Variants in MYPOP observed in about 807,000 individuals in gnomAD.
MYPOP encodes the protein myb-related transcription factor, partner of profilin.
A neutral mutation model predicts 25.7 loss-of-function variants in MYPOP; 21 were observed. That is an observed-to-expected ratio of 0.82 (90% confidence interval 0.58 to 1.18). The LOEUF (loss-of-function observed/expected upper bound fraction) is 1.18. Among genes scored for constraint, MYPOP ranks in the 50% most tolerant of loss-of-function variants. The pLI is 0.00. For missense variants in MYPOP, 566 were observed against 588.3 expected (o/e 0.96, Z 0.39); for synonymous variants, 280 against 247.9 (o/e 1.13, Z -1.22).
intron 2 of MYPOP, among the ~76,000 whole-genome samples, chr19:45,898,097 T>C (rs142883536): frequency 1.3e-5 from 2 of 151,820 alleles, no homozygotes; most frequent in Non-Finnish European, 2.9e-5. Context: ...CTAATTTTTG[T>C]ATTTTTTAGT....
intron 2 of MYPOP, among the ~76,000 whole-genome samples, chr19:45,896,618 CTTTTTTTT>C (rs760658668): frequency 7.4e-6 from 1 of 134,792 alleles, no homozygotes; most frequent in Non-Finnish European, 1.6e-5. Flanking sequence ...AGAGTCCATT[CTTTTTTTT>C]TTTTTTTTTT....
chr19:45,891,140 G>A lies in MYPOP; in HGVS notation c.683C>T (p.Pro228Leu). The change falls in exon 3 of 3, where the codon CCA (proline) becomes CTA (leucine). Residue 228 changes from proline (P) to leucine (L), a missense_variant. Pro to Leu is a moderately conservative substitution (Grantham distance 98). Coordinates refer to ENST00000322217, the MANE Select transcript of MYPOP (RefSeq NM_001012643.4). ...CACTTGGGCCAGTGGCGGTGGGGGT[G>A]GCAGTGGAGGGGCTGGGGGTGGTGG... is the stretch of plus-strand genomic sequence containing the variant. ...LSPPPPAPPLPPPPPLAQVAP... is the reference protein window; with the variant it reads ...LSPPPPAPPLLPPPPLAQVAP... The A allele has an allele frequency of 2.0e-6, 3 of 1,491,024 alleles. No homozygotes were observed. Among genetic ancestry groups the A allele is most frequent in the South Asian group, 2.6e-5 (2 of 78,232 alleles). The allele number at this position is 1,491,024 out of a possible 1,614,324, so 92.4% of individuals were successfully genotyped here.
chr19:45,892,269 A>G (rs1431543321), intron 2 of MYPOP, among the ~76,000 whole-genome samples: 1 of 152,076 alleles, frequency 6.6e-6, no homozygotes, highest in African/African-American at 2.4e-5. Context: ...ACTGCACCAC[A>G]CTGCTGGATC....
chr19:45,901,562 C>G lies in MYPOP; in HGVS notation c.212G>C (p.Arg71Pro). Residue 71 changes from arginine (R) to proline (P), a missense_variant, in exon 2 of 3, where the codon CGC (arginine) becomes CCC (proline). Transcript: ENST00000322217. This position sits in a 1 kb window ranked among gnomAD's most constrained non-coding sequence, Gnocchi z 5.7. ...AKINGITSWKRTGQEVQKRWN... is the reference protein window; with the variant it reads ...AKINGITSWKPTGQEVQKRWN... ...GCGCTTCTGCACCTCCTGGCCCGTG[C>G]GCTTCCAGCTGGTGATACCGTTGAT... 1 of 1,612,102 alleles carries G rather than the reference C, an allele frequency of 6.2e-7. No individual in the cohort carries two copies. Among genetic ancestry groups the G allele is most frequent in the Non-Finnish European group, 8.5e-7 (1 of 1,179,618 alleles).
At position 45,894,693 on chromosome 19, in the gene MYPOP, C is replaced by T. The variant is rs151247375; in HGVS notation, c.500-3370G>A. On this transcript the variant is annotated intron_variant, in intron 2 of 2. Transcript: ENST00000322217. ...TGATTGTATAGTGTGGAAATTATAT[C>T]GCCATATATATATACATTTTTTTCT... Among the ~76,000 whole-genome samples, 72 of 151,568 alleles carry T rather than the reference C, an allele frequency of 4.8e-4. No individual in the cohort carries two copies. The East Asian group carries it at 0.013, about 27-fold the overall frequency.
rs952465542 is a variant in MYPOP, at chr19:45,890,875, T to C, written c.948A>G (p.Pro316=). ...GCAGGACAGGCCTGGGAGGTGGCGG[T>C]GGGGGTGGGGGTGGGGGCAGAGGTG... ...LPPPLPPPPP[P]PPPPRPVLPP... Residue 316 remains proline (P), a synonymous_variant, in exon 3 of 3, where the codon CCA becomes CCG. Coordinates refer to ENST00000322217, the MANE Select transcript of MYPOP (RefSeq NM_001012643.4). The C allele has an allele frequency of 7.9e-6, 2 of 252,692 alleles. No individual in the cohort carries two copies. The highest frequency in any genetic ancestry group is 1.4e-4 in the South Asian group (1 of 7,380). 15.7% of individuals were successfully genotyped at this position (252,692 alleles called of 1,614,324 possible).
At chr19:45,899,299 C>G (rs190194271) in intron 2 of MYPOP, among the ~76,000 whole-genome samples, 1 of 152,186 alleles carries the variant, frequency 6.6e-6, no homozygotes, top group African/African-American at 2.4e-5. Flanking sequence ...GTCTTTTTCT[C>G]TACATTATTC....
intron 2 of MYPOP, among the ~76,000 whole-genome samples, chr19:45,893,647 G>T (rs1367697889): frequency 6.6e-6 from 1 of 151,864 alleles, no homozygotes; most frequent in African/African-American, 2.4e-5. Context: ...GGGAAGACAG[G>T]GAAGATGGGA....
chr19:45,890,561 GC>G lies in MYPOP; in HGVS notation c.*61del, dbSNP rs1405760998. ...GCAGCTGGGATGGGCAGAGAGCATCGCCCCCCTCGACTGCGCCAAGCTGGGG... is the reference window on the plus strand; with the variant it reads ...GCAGCTGGGATGGGCAGAGAGCATCGCCCCCTCGACTGCGCCAAGCTGGGG... On this transcript the variant is annotated 3_prime_UTR_variant, in exon 3 of 3. Coordinates refer to ENST00000322217, the MANE Select transcript of MYPOP (RefSeq NM_001012643.4). 2.5e-6 allele frequency: 4 copies of G among 1,583,260 alleles called. No homozygotes were observed. The highest frequency in any genetic ancestry group is 2.7e-5 in the African/African-American group (2 of 74,266).
rs1258658141 is a variant in MYPOP, at chr19:45,891,261, T to A, written c.562A>T (p.Thr188Ser). 6.4e-7 allele frequency: 1 copy of A among 1,551,276 alleles called. No homozygotes were observed. The highest frequency in any genetic ancestry group is 1.2e-5 in the South Asian group (1 of 84,178). The change falls in exon 3 of 3, where the codon ACT (threonine) becomes TCT (serine). Residue 188 changes from threonine (T) to serine (S), a missense_variant. Thr to Ser is a moderately conservative substitution (Grantham distance 58). Transcript: ENST00000322217. ...CGTGGGCAGCCCCCTTCCTGGGGAG[T>A]GCAGGAGGGCCGGGCCCATGGCTCC... is the stretch of plus-strand genomic sequence containing the variant. ...SPEPWARPSC[T>S]PQEGGCPRPK... is the part of the protein sequence containing the mutation.
At chr19:45,896,786 C>T (rs918327988) in intron 2 of MYPOP, among the ~76,000 whole-genome samples, 4 of 151,714 alleles carry the variant, frequency 2.6e-5, no homozygotes, top group Non-Finnish European at 2.9e-5. Context: ...CCACTGCGCC[C>T]GGCTAATTTT....
Position 45,890,947 on chromosome 19 carries a change from G to T in MYPOP, c.876C>A (p.Ser292Arg). 6.8e-7 allele frequency: 1 copy of T among 1,469,542 alleles called. No homozygotes were observed. The highest frequency in any genetic ancestry group is 2.4e-5 in the Admixed American group (1 of 41,296). 91.0% of individuals were successfully genotyped at this position (1,469,542 alleles called of 1,614,324 possible). A position where few individuals can be genotyped will look rare whatever the true frequency, so the allele number is the denominator to read the frequency against. The change falls in exon 3 of 3, where the codon AGC (serine) becomes AGA (arginine). Residue 292 changes from serine to arginine, a missense_variant. Ser to Arg is a moderately radical substitution (Grantham distance 110). Transcript: ENST00000322217. The part of the protein sequence containing the change: ...QGLAKLSEAL[S>R]ALLPLLPGTP... ...TTCCTGGCAGAAGGGGCAGCAGAGC[G>T]CTGAGGGCCTCGCTCAGTTTGGCCA...
At chr19:45,894,851 T>TG (rs1466962337) in intron 2 of MYPOP, among the ~76,000 whole-genome samples, 1 of 151,512 alleles carries the variant, frequency 6.6e-6, no homozygotes, top group Non-Finnish European at 1.5e-5. Flanking sequence ...CCTGAGTAGC[T>TG]GGGACTATAG....
chr19:45,898,763 G>C (rs1202427079), intron 2 of MYPOP, among the ~76,000 whole-genome samples: 2 of 152,044 alleles, frequency 1.3e-5, no homozygotes, highest in Non-Finnish European at 2.9e-5. Flanking sequence ...ATCTCTACTT[G>C]AATTTCACCT....
chr19:45,897,203 T>C (rs952332761), intron 2 of MYPOP, among the ~76,000 whole-genome samples: 13 of 151,714 alleles, frequency 8.6e-5, no homozygotes, highest in African/African-American at 3.2e-4. Flanking sequence ...GCTGGAATTA[T>C]AGGCATATGC....
chr19:45,898,146 A>G (rs1967233772), intron 2 of MYPOP, among the ~76,000 whole-genome samples: 1 of 149,990 alleles, frequency 6.7e-6, no homozygotes, highest in Non-Finnish European at 1.5e-5. Flanking sequence ...ACTGGTCTTG[A>G]ACTCCTAACC....
chr19:45,901,139 T>C lies in MYPOP; in HGVS notation c.499+136A>G, dbSNP rs1163998887. On this transcript the variant is annotated intron_variant, in intron 2 of 2. Coordinates refer to ENST00000322217, the MANE Select transcript of MYPOP (RefSeq NM_001012643.4). The surrounding 1 kb of genome is among the most constrained non-coding windows in gnomAD (Gnocchi z 5.7). ...GAACTGAGGCAAGTCATTTCATTTT[T>C]CTGAGCTTCAGTTTCCCTAGCTATA... 7.0e-6 allele frequency: 6 copies of C among 861,098 alleles called. No individual in the cohort carries two copies. Among genetic ancestry groups the C allele is most frequent in the Non-Finnish European group, 8.0e-6 (5 of 622,492 alleles). The allele number at this position is 861,098 out of a possible 1,614,324, so 53.3% of individuals were successfully genotyped here.
chr19:45,891,039 A>G lies in MYPOP; in HGVS notation c.784T>C (p.Phe262Leu). 6.9e-7 allele frequency: 1 copy of G among 1,458,938 alleles called. No individual in the cohort carries two copies. The highest frequency in any genetic ancestry group is 9.1e-7 in the Non-Finnish European group (1 of 1,094,666). The allele number at this position is 1,458,938 out of a possible 1,614,324, so 90.4% of individuals were successfully genotyped here. The change falls in exon 3 of 3, where the codon TTC (phenylalanine) becomes CTC (leucine). Residue 262 changes from phenylalanine (F) to leucine (L), a missense_variant. By Grantham distance (22) the Phe-to-Leu change is conservative. Coordinates refer to ENST00000322217, the MANE Select transcript of MYPOP (RefSeq NM_001012643.4). ...GCAGTCTCCTGCTGGGCCCGCAGGA[A>G]GTCCAGGGAGGGGTCTGAGGCCGAG... ...TLSASDPSLD[F>L]LRAQQETANA...
At chr19:45,894,612 A>G (rs1476581746) in intron 2 of MYPOP, among the ~76,000 whole-genome samples, 1 of 151,822 alleles carries the variant, frequency 6.6e-6, no homozygotes, top group African/African-American at 2.4e-5. Context: ...AGGTCTCACT[A>G]TGTTCCTCAG....
Sources: allele counts gnomAD v4.1 joint callset (sites outside exome capture counted in the v4.1 genomes callset), GRCh38; gene constraint gnomAD v4.1.1; non-coding constraint Gnocchi (gnomAD v3.1); transcripts MANE v1.5; gene names NCBI Gene and HGNC (gene_info 2026-07-23, HGNC 2026-07-21).